Variants in CAP2 observed in about 807,000 individuals in gnomAD.
CAP2 encodes cyclase associated actin cytoskeleton regulatory protein 2, also known as adenylyl cyclase-associated protein 2.
Under a neutral mutation model 57.7 loss-of-function variants are expected in CAP2, and 24 were observed. The observed-to-expected ratio is 0.42, with a 90% CI of 0.30 to 0.58. The LOEUF is 0.58. Among genes scored for constraint, CAP2 ranks in the 20% least tolerant of loss-of-function variants. The pLI is 0.22. For missense variants in CAP2, 501 were observed against 590.3 expected, an observed-to-expected ratio of 0.85 and a Z score of 1.57; for synonymous variants, 194 against 207.2, an observed-to-expected ratio of 0.94 and a Z score of 0.55.
intron 1 of CAP2, among the ~76,000 whole-genome samples, chr6:17,394,033 C>T (rs538241132): frequency 6.7e-5 from 10 of 149,580 alleles, no homozygotes; most frequent in African/African-American, 2.2e-4. Context: ...CCTGGCCGCT[C>T]GGAAGGCGGG....
chr6:17,402,791 C>T (rs1013260308), intron 1 of CAP2, among the ~76,000 whole-genome samples: 1 of 152,164 alleles, frequency 6.6e-6, no homozygotes, highest in Non-Finnish European at 1.5e-5. Context: ...TGCAACTTAA[C>T]TTATATCTCT....
intron 1 of CAP2, among the ~76,000 whole-genome samples, chr6:17,400,738 G>C (rs1031561388): frequency 6.6e-6 from 1 of 151,898 alleles, no homozygotes; most frequent in Non-Finnish European, 1.5e-5. Flanking sequence ...GGTGGCAGGT[G>C]CCTGTAGTCC....
chr6:17,541,024 G>A lies in CAP2; in HGVS notation c.878G>A (p.Arg293Gln), dbSNP rs372852769. 1.4e-5 allele frequency: 22 copies of A among 1,613,944 alleles called. No individual in the cohort carries two copies. Among genetic ancestry groups the A allele is most frequent in the East Asian group, 1.3e-4 (6 of 44,900 alleles). ...DQKTYKNPSL[R>Q]AQGGQTQSPT... ...AAGACATACAAAAATCCCAGCCTGC[G>A]GGCTCAAGGAGGGCAAACTCAATCT... is the stretch of plus-strand genomic sequence containing the variant. The change falls in exon 9 of 13, where the codon CGG becomes CAG. Residue 293 changes from arginine to glutamine, a missense_variant. Coordinates refer to ENST00000229922, the MANE Select transcript of CAP2 (RefSeq NM_006366.3).
chr6:17,517,856 G>A (rs9367953), intron 7 of CAP2, among the ~76,000 whole-genome samples: 51,931 of 152,082 alleles, frequency 0.34, 10,830 homozygotes, highest in Non-Finnish European at 0.46. Context: ...AGCCGAGATC[G>A]TGCCACTGCC....
chr6:17,451,492 C>T (rs906359000), intron 3 of CAP2, among the ~76,000 whole-genome samples: 3 of 151,942 alleles, frequency 2.0e-5, no homozygotes, highest in African/African-American at 7.3e-5. Flanking sequence ...CATCTCAGCA[C>T]ATAGTAGGTA....
At chr6:17,535,879 C>A (rs1762760264) in intron 7 of CAP2, among the ~76,000 whole-genome samples, 1 of 152,062 alleles carries the variant, frequency 6.6e-6, no homozygotes, top group African/African-American at 2.4e-5. Context: ...TATGTTGCTA[C>A]CTCCTCCACC....
At chr6:17,529,651 A>AAAAAAAAATATATAT (rs10656588) in intron 7 of CAP2, among the ~76,000 whole-genome samples, 18 of 134,538 alleles carry the variant, frequency 1.3e-4, no homozygotes, top group African/African-American at 3.8e-4. Flanking sequence ...AAAAAAAAAA[A>AAAAAAAAATATATAT]ATATATATAT....
chr6:17,518,333 C>G (rs1762317220), intron 7 of CAP2, among the ~76,000 whole-genome samples: 1 of 152,090 alleles, frequency 6.6e-6, no homozygotes, highest in Non-Finnish European at 1.5e-5. Context: ...TAGTCCATAG[C>G]ATAAATCAAG....
At chr6:17,546,615 C>T (rs891735730) in intron 11 of CAP2, among the ~76,000 whole-genome samples, 5 of 152,074 alleles carry the variant, frequency 3.3e-5, no homozygotes, top group Middle Eastern at 3.2e-3. Context: ...ATGAAGTCCT[C>T]GCCCATGCCT....
intron 3 of CAP2, among the ~76,000 whole-genome samples, chr6:17,430,636 T>A (rs1759703949): frequency 6.6e-6 from 1 of 151,992 alleles, no homozygotes; most frequent in African/African-American, 2.4e-5. Context: ...CCTCCCGGGT[T>A]CAAGCGATTC....
chr6:17,496,802 G>C (rs1561804991), intron 4 of CAP2, among the ~76,000 whole-genome samples: 1 of 152,112 alleles, frequency 6.6e-6, no homozygotes, highest in African/African-American at 2.4e-5. Context: ...GAAATTCTTT[G>C]CATCTGCTGA....
intron 1 of CAP2, among the ~76,000 whole-genome samples, chr6:17,394,452 A>G: frequency 6.6e-6 from 1 of 152,102 alleles, no homozygotes; most frequent in Middle Eastern, 3.2e-3. Flanking sequence ...TATTCTCATC[A>G]GAGTGGTGTT....
At chr6:17,488,480 G>T (rs1249740046) in intron 4 of CAP2, among the ~76,000 whole-genome samples, 1 of 152,110 alleles carries the variant, frequency 6.6e-6, no homozygotes, top group Non-Finnish European at 1.5e-5. Context: ...TCTTTGAATA[G>T]CTCAGGGCCA....
chr6:17,398,619 G>C (rs780663004), intron 1 of CAP2, among the ~76,000 whole-genome samples: 3 of 151,532 alleles, frequency 2.0e-5, no homozygotes, highest in Non-Finnish European at 4.4e-5. Context: ...CTGCCTCCTG[G>C]GTTCAGGCCA....
At chr6:17,473,350 GTGT>G (rs1166910944) in intron 4 of CAP2, among the ~76,000 whole-genome samples, 2 of 152,262 alleles carry the variant, frequency 1.3e-5, no homozygotes, top group East Asian at 3.9e-4. Context: ...AGGTCACTTT[GTGT>G]TTTTAATAAA....
chr6:17,465,039 G>A (rs1279826066), intron 4 of CAP2, among the ~76,000 whole-genome samples: 1 of 152,238 alleles, frequency 6.6e-6, no homozygotes, highest in Non-Finnish European at 1.5e-5. Flanking sequence ...GAATGAAAAT[G>A]TAAGTGAATG....
intron 4 of CAP2, among the ~76,000 whole-genome samples, chr6:17,494,968 T>A (rs1464872326): frequency 6.6e-6 from 1 of 152,196 alleles, no homozygotes; most frequent in Non-Finnish European, 1.5e-5. Flanking sequence ...TGGACTCGAA[T>A]TGAAAGATCG....
chr6:17,421,035 C>T (rs1759429460), intron 1 of CAP2, among the ~76,000 whole-genome samples: 2 of 152,150 alleles, frequency 1.3e-5, no homozygotes, highest in Non-Finnish European at 2.9e-5. Flanking sequence ...TATATATGCA[C>T]TATGAAATAC....
chr6:17,394,907 A>G (rs988282499), intron 1 of CAP2, among the ~76,000 whole-genome samples: 5 of 152,224 alleles, frequency 3.3e-5, no homozygotes, highest in African/African-American at 9.6e-5. Context: ...ATAGACAATA[A>G]AAGTGTGTGA....
Sources: allele counts gnomAD v4.1 joint callset (sites outside exome capture counted in the v4.1 genomes callset), GRCh38; gene constraint gnomAD v4.1.1; transcripts MANE v1.5; gene names NCBI Gene and HGNC (gene_info 2026-07-23, HGNC 2026-07-21).